Variants in MAML2 observed in about 807,000 individuals in gnomAD.
The protein encoded by MAML2 is mastermind-like protein 2.
Under a neutral mutation model 96.1 loss-of-function variants are expected in MAML2, and 22 were observed. The observed-to-expected ratio is 0.23, with a 90% CI of 0.16 to 0.33. The LOEUF is 0.33. MAML2 is among the 10% of genes least tolerant of loss of function. MAML2 has a pLI of 1.00. For synonymous variants in MAML2, 561 were observed against 521.3 expected (o/e 1.08, Z -1.04); for missense variants, 1,367 against 1,392.4 (o/e 0.98, Z 0.29).
chr11:96,138,628 G>T (rs974181868), intron 1 of MAML2, among the ~76,000 whole-genome samples: 1 of 152,184 alleles, frequency 6.6e-6, no homozygotes, highest in East Asian at 1.9e-4. Flanking sequence ...AAGATGGGGG[G>T]GTTGGTGAAT....
chr11:96,050,406 A>G (rs746393756), intron 2 of MAML2, among the ~76,000 whole-genome samples: 7 of 152,222 alleles, frequency 4.6e-5, no homozygotes, highest in Non-Finnish European at 8.8e-5. Context: ...TGTGGCATAT[A>G]TGAGATGTAA....
chr11:96,023,505 C>A (rs1645441082), intron 2 of MAML2, among the ~76,000 whole-genome samples: 1 of 152,128 alleles, frequency 6.6e-6, no homozygotes, highest in African/African-American at 2.4e-5. Context: ...CAGAATGGAG[C>A]CTGGACCACC....
chr11:96,136,181 T>C (rs1446884244), intron 1 of MAML2, among the ~76,000 whole-genome samples: 1 of 152,190 alleles, frequency 6.6e-6, no homozygotes, highest in Non-Finnish European at 1.5e-5. Flanking sequence ...TATAAATCTA[T>C]ACAGTAAGTC....
chr11:96,017,243 T>C (rs1199034044), intron 2 of MAML2, among the ~76,000 whole-genome samples: 1 of 152,220 alleles, frequency 6.6e-6, no homozygotes, highest in Non-Finnish European at 1.5e-5. Flanking sequence ...ATGGCGAATC[T>C]AAATCCAGTT....
chr11:96,288,543 A>C (rs1226084382), intron 1 of MAML2, among the ~76,000 whole-genome samples: 1 of 82,710 alleles, frequency 1.2e-5, no homozygotes, highest in Non-Finnish European at 2.4e-5. Flanking sequence ...ACTCTGTCTC[A>C]AAAAAAAAAA....
chr11:95,993,473 A>C (rs1443148818), intron 2 of MAML2, among the ~76,000 whole-genome samples: 1 of 152,154 alleles, frequency 6.6e-6, no homozygotes, highest in Non-Finnish European at 1.5e-5. Context: ...CAGGAGGCTG[A>C]GGCATGAGAA....
At chr11:96,116,233 C>T (rs1403828821) in intron 1 of MAML2, among the ~76,000 whole-genome samples, 2 of 152,058 alleles carry the variant, frequency 1.3e-5, no homozygotes, top group African/African-American at 4.8e-5. Context: ...CTTTTTATTC[C>T]TCATCAGACT....
At chr11:95,988,551 T>TATTATATATATTTAC (rs1409457065) in intron 3 of MAML2, among the ~76,000 whole-genome samples, 1 of 147,732 alleles carries the variant, frequency 6.8e-6, no homozygotes, top group Non-Finnish European at 1.5e-5. Context: ...TATATATTTA[T>TATTATATATATTTAC]ATTATATATA....
At chr11:96,020,792 T>G (rs1376906834) in intron 2 of MAML2, among the ~76,000 whole-genome samples, 2 of 152,218 alleles carry the variant, frequency 1.3e-5, no homozygotes, top group East Asian at 1.9e-4. Context: ...AGTGGCAGAG[T>G]GTAAGGAAGA....
intron 2 of MAML2, among the ~76,000 whole-genome samples, chr11:96,074,374 T>C (rs2298487): frequency 0.81 from 123,933 of 152,228 alleles, 51,101 homozygotes; most frequent in African/African-American, 0.85. Flanking sequence ...TATTGTCATG[T>C]TGTTTTCTGT....
intron 1 of MAML2, among the ~76,000 whole-genome samples, chr11:96,176,928 A>T (rs940738271): frequency 3.3e-5 from 5 of 152,216 alleles, no homozygotes; most frequent in African/African-American, 1.2e-4. Flanking sequence ...GCTATATGCC[A>T]AGCACCATCC....
intron 1 of MAML2, among the ~76,000 whole-genome samples, chr11:96,126,536 T>A (rs892669755): frequency 2.6e-5 from 4 of 152,102 alleles, no homozygotes; most frequent in Non-Finnish European, 5.9e-5. Flanking sequence ...CACTCCAGCT[T>A]GGGCAACAGA....
At chr11:96,265,127 G>A (rs1020897608) in intron 1 of MAML2, among the ~76,000 whole-genome samples, 6 of 152,186 alleles carry the variant, frequency 3.9e-5, no homozygotes, top group Non-Finnish European at 8.8e-5. Flanking sequence ...GAATGTGGTA[G>A]AGACAGCTAG....
intron 1 of MAML2, among the ~76,000 whole-genome samples, chr11:96,178,093 TTC>T: frequency 9.6e-6 from 1 of 104,540 alleles, no homozygotes; most frequent in Admixed American, 9.9e-5. Flanking sequence ...TTTCTTTTTT[TTC>T]TTTTTTTTTT....
At chr11:96,166,130 T>C (rs1892961) in intron 1 of MAML2, among the ~76,000 whole-genome samples, 37,636 of 120,978 alleles carry the variant, frequency 0.31, 4,939 homozygotes, top group East Asian at 0.52. Flanking sequence ...CTGTCTCTCT[T>C]TCTCTGTCTC....
chr11:96,231,291 C>CT (rs11463984), intron 1 of MAML2, among the ~76,000 whole-genome samples: 68,241 of 151,962 alleles, frequency 0.45, 16,095 homozygotes, highest in African/African-American at 0.6. Flanking sequence ...TGTAAAGTCT[C>CT]TACAGAAAGG....
At chr11:96,174,496 G>C (rs1262727270) in intron 1 of MAML2, among the ~76,000 whole-genome samples, 1 of 152,208 alleles carries the variant, frequency 6.6e-6, no homozygotes, top group South Asian at 2.1e-4. Flanking sequence ...CAATTCTCCT[G>C]CCTCAGCCTC....
At position 95,978,832 on chromosome 11, in the gene MAML2, T is replaced by C. The variant is rs74664191; in HGVS notation, c.*116A>G. 7.2e-4 allele frequency: 712 copies of C among 983,084 alleles called. 6 individuals carry two copies. In the East Asian group the frequency reaches 0.015, roughly 21 times the overall value. 60.9% of individuals were successfully genotyped at this position (983,084 alleles called of 1,614,324 possible). ...GCAGTTACTTTCTGCTTTCCATTTT[T>C]AAGCATGTTATCTTCATGTAGTCCA... On this transcript the variant is annotated 3_prime_UTR_variant, in exon 5 of 5. Coordinates refer to ENST00000524717, the MANE Select transcript of MAML2 (RefSeq NM_032427.4).
At chr11:96,326,398 T>C (rs987485219) in intron 1 of MAML2, among the ~76,000 whole-genome samples, 14 of 151,716 alleles carry the variant, frequency 9.2e-5, no homozygotes, top group African/African-American at 3.4e-4. Context: ...CATGTATGTG[T>C]GTGTGTGTGT....
Sources: gnomAD v4.1 joint callset for allele counts (sites outside exome capture counted in the v4.1 genomes callset) on GRCh38, gnomAD v4.1.1 for gene constraint, MANE v1.5 for transcripts, NCBI Gene and HGNC (gene_info 2026-07-23, HGNC 2026-07-21) for gene names.